Variants in C1orf167 observed in about 807,000 individuals in gnomAD.
C1orf167 encodes chromosome 1 open reading frame 167, also known as uncharacterized protein C1orf167.
C1orf167 carries 153 observed loss-of-function variants against 176.5 expected under a neutral mutation model. The observed-to-expected ratio is 0.87, with a 90% CI of 0.76 to 0.99. The LOEUF (loss-of-function observed/expected upper bound fraction) is 0.99. Among genes scored for constraint, C1orf167 ranks in the 50% least tolerant of loss-of-function variants. The pLI is 0.00. For synonymous variants in C1orf167, 594 were observed against 752.7 expected (o/e 0.79, Z 3.45); for missense variants, 1,490 against 1,817.7 (o/e 0.82, Z 3.28).
At chr1:11,785,362 G>A (rs1448987025) in intron 16 of C1orf167, 73 bp downstream of exon 16, 2 of 1,194,786 alleles carry the variant, frequency 1.7e-6, no homozygotes, top group Non-Finnish European at 2.1e-6. Flanking sequence ...GCTGCTGGAC[G>A]CCCCAGCCCC....
intron 9 of C1orf167, among the ~76,000 whole-genome samples, chr1:11,776,235 C>T (rs887113918): frequency 6.6e-5 from 10 of 152,078 alleles, no homozygotes; most frequent in African/African-American, 2.2e-4. Context: ...CCAGCCTGGG[C>T]GACAAGGGCA....
At chr1:11,770,939 G>A (rs1420548005) in intron 6 of C1orf167, among the ~76,000 whole-genome samples, 1 of 149,166 alleles carries the variant, frequency 6.7e-6, no homozygotes, top group East Asian at 1.9e-4. Flanking sequence ...CGAGTAGCTG[G>A]GACTACAAGT....
At position 11,779,914 on chromosome 1, in the gene C1orf167, C is replaced by T. The variant is rs41275460; in HGVS notation, c.2764C>T (p.Arg922Trp). Residue 922 changes from arginine to tryptophan, a missense_variant, in exon 13 of 21, where the codon CGG (arginine) becomes TGG (tryptophan). Transcript: ENST00000688073. ...CRAVLGLWRQRLLQSRLVEWW... is the reference protein window; with the variant it reads ...CRAVLGLWRQWLLQSRLVEWW... Reference sequence around the variant, plus strand: ...GGCTGTGCTGGGCCTGTGGCGTCAGCGGCTGCTGCAGTCACGGCTGGTGGA... The same window carrying T: ...GGCTGTGCTGGGCCTGTGGCGTCAGTGGCTGCTGCAGTCACGGCTGGTGGA... 0.078 allele frequency: 101,586 copies of T among 1,302,478 alleles called. 4,152 individuals are homozygous for T. Among genetic ancestry groups the T allele is most frequent in the Middle Eastern group, 0.12 (421 of 3,610 alleles). 80.7% of individuals were successfully genotyped at this position (1,302,478 alleles called of 1,614,324 possible). A position where few individuals can be genotyped will look rare whatever the true frequency, so the allele number is the denominator to read the frequency against.
chr1:11,773,129 G>A (rs1643160694), intron 8 of C1orf167, among the ~76,000 whole-genome samples: 1 of 151,392 alleles, frequency 6.6e-6, no homozygotes, highest in Non-Finnish European at 1.5e-5. Flanking sequence ...CTGACCTCAG[G>A]TGATCCACCC....
At chr1:11,785,980 A>G (rs1410348561) in intron 16 of C1orf167, 1 of 149,392 alleles carries the variant, frequency 6.7e-6, no homozygotes, top group Non-Finnish European at 1.5e-5. Flanking sequence ...TGATCCTCCC[A>G]CCTCGACTTC....
At chr1:11,787,815 A>G in intron 17 of C1orf167, 58 bp from the exon 18 acceptor site, 1 of 1,183,812 alleles carries the variant, frequency 8.4e-7, no homozygotes, top group South Asian at 1.6e-5. Flanking sequence ...GCGGGCACTA[A>G]GAGCAGCTGC....
Position 11,766,447 on chromosome 1 carries a change from C to G in C1orf167, c.661C>G (p.Leu221Val), listed in dbSNP as rs955251247. Residue 221 changes from leucine to valine, a missense_variant, in exon 3 of 21, where the codon CTG (leucine) becomes GTG (valine). Physicochemically the swap from Leu to Val is conservative, Grantham distance 32. Coordinates refer to ENST00000688073, the MANE Select transcript of C1orf167 (RefSeq NM_001010881.2). This position sits in a 1 kb window ranked among gnomAD's most constrained non-coding sequence, Gnocchi z 4.5. ...LVGEPLTLED[L>V]AVPSQNQTQA... The stretch of plus-strand genomic sequence containing the variant: ...GGGGGAACCTCTCACCCTGGAGGAC[C>G]TGGCTGTCCCCAGTCAGAACCAGAC... The G allele has an allele frequency of 6.2e-6, 8 of 1,286,348 alleles. No individual in the cohort carries two copies. The highest frequency in any genetic ancestry group is 6.1e-6 in the Non-Finnish European group (6 of 987,154). 79.7% of individuals were successfully genotyped at this position (1,286,348 alleles called of 1,614,324 possible). A position where few individuals can be genotyped will look rare whatever the true frequency, so the allele number is the denominator to read the frequency against.
Position 11,785,780 on chromosome 1 carries a change from G to A in C1orf167, c.3567+491G>A, listed in dbSNP as rs539181268. On this transcript the variant is annotated intron_variant, in intron 16 of 20. Coordinates refer to ENST00000688073, the MANE Select transcript of C1orf167 (RefSeq NM_001010881.2). Reference sequence around the variant, plus strand: ...GACAGAGTCTGGCTCAATTGCCCAGGCTGAAGCAGAGGAGTGATCTCAGCT... The same window carrying A: ...GACAGAGTCTGGCTCAATTGCCCAGACTGAAGCAGAGGAGTGATCTCAGCT... 162 of 152,950 alleles carry A rather than the reference G, an allele frequency of 1.1e-3. 1 individual carries two copies. The highest frequency in any genetic ancestry group is 1.8e-3 in the Non-Finnish European group (123 of 68,414). The allele number at this position is 152,950 out of a possible 1,614,324, so 9.5% of individuals were successfully genotyped here. A position where few individuals can be genotyped will look rare whatever the true frequency, so the allele number is the denominator to read the frequency against.
Position 11,766,473 on chromosome 1 carries a change from T to C in C1orf167, c.687T>C (p.Thr229=), listed in dbSNP as rs986999902. The C allele has an allele frequency of 1.4e-5, 18 of 1,286,742 alleles. No homozygotes were observed. Among genetic ancestry groups the C allele is most frequent in the Non-Finnish European group, 1.8e-5 (18 of 987,246 alleles). 79.7% of individuals were successfully genotyped at this position (1,286,742 alleles called of 1,614,324 possible). A position where few individuals can be genotyped will look rare whatever the true frequency, so the allele number is the denominator to read the frequency against. ...TGGCTGTCCCCAGTCAGAACCAGAC[T>C]CAGGCCCCATCCCGTGCTGCCGTCC... ...EDLAVPSQNQ[T]QAPSRAAVHQ... is the part of the protein sequence containing the mutation. Residue 229 remains threonine, a synonymous_variant, in exon 3 of 21, where the codon ACT becomes ACC. Transcript: ENST00000688073. The surrounding 1 kb of genome is among the most constrained non-coding windows in gnomAD (Gnocchi z 4.5).
At position 11,778,940 on chromosome 1, in the gene C1orf167, C is replaced by A; in HGVS notation, c.2511C>A (p.Pro837=). ...QDSLEKVPRA[P]TLPDTLQGSL... is the part of the protein sequence containing the mutation. Reference sequence around the variant, plus strand: ...TCCTTCCCCAGGTTCCCAGGGCCCCCACCCTCCCGGACACTCTCCAGGGGA... The same window carrying A: ...TCCTTCCCCAGGTTCCCAGGGCCCCAACCCTCCCGGACACTCTCCAGGGGA... Residue 837 remains proline, a synonymous_variant, in exon 12 of 21, where the codon CCC becomes CCA. Transcript: ENST00000688073. The A allele has an allele frequency of 7.7e-7, 1 of 1,303,506 alleles. No homozygotes were observed. The highest frequency in any genetic ancestry group is 1.0e-6 in the Non-Finnish European group (1 of 988,444). 80.7% of individuals were successfully genotyped at this position (1,303,506 alleles called of 1,614,324 possible).
In C1orf167 at chr1:11,767,032, G is replaced by T. The variant is rs1281381132; in HGVS notation, c.1246G>T (p.Glu416Ter). The change falls in exon 3 of 21, where the codon GAG becomes TAG. Residue 416 changes from glutamate (E) to a stop codon, truncating the protein, a stop_gained. Transcript: ENST00000688073. LOFTEE classifies it high-confidence loss of function. ...GAGGGAGCGGGTCCACAGGGAGGAG[G>T]AGAGGACAGCTTTCCATCTGTCAGA... is the stretch of plus-strand genomic sequence containing the variant. ...APRERVHREE[E>*]RTAFHLSDTV... 11 of 1,221,544 alleles carry T rather than the reference G, an allele frequency of 9.0e-6. No individual in the cohort carries two copies. The highest frequency in any genetic ancestry group is 1.0e-5 in the Non-Finnish European group (10 of 954,360). The allele number at this position is 1,221,544 out of a possible 1,614,324, so 75.7% of individuals were successfully genotyped here. A position where few individuals can be genotyped will look rare whatever the true frequency, so the allele number is the denominator to read the frequency against.
rs371849973 is a variant in C1orf167, at chr1:11,770,366, G to A, written c.1698-1158G>A. Among the ~76,000 whole-genome samples the A allele has an allele frequency of 3.0e-4, 46 of 151,962 alleles. No homozygotes were observed. In the East Asian group the frequency reaches 8.1e-3, roughly 27 times the overall value. On this transcript the variant is annotated intron_variant, in intron 6 of 20. Transcript: ENST00000688073. ...ATGTGTATTTTACCACAATTAAGGA[G>A]TAAAAGATATTTCATTTAAAAATGC...
intron 12 of C1orf167, chr1:11,779,402 T>G: frequency 4.6e-6 from 1 of 219,512 alleles, no homozygotes. Context: ...TTGGGCAAGT[T>G]GCATAACTTC....
intron 2 of C1orf167, among the ~76,000 whole-genome samples, chr1:11,765,159 T>C (rs531478826): frequency 1.2e-3 from 179 of 152,070 alleles, no homozygotes; most frequent in Non-Finnish European, 2.1e-3. Context: ...CCCAGTTTCT[T>C]CGTGTTCCAG....
In C1orf167 at chr1:11,772,041, GCTTA is replaced by G. The variant is rs1557728161; in HGVS notation, c.1811-38_1811-35del. On this transcript the variant is annotated intron_variant, in intron 7 of 20. Transcript: ENST00000688073. Reference sequence around the variant, plus strand: ...CCTCCTGGCTCAGATCCTCCCATCTGCTTACTCTCTCTTTTCTCTCCCTCCTCCC... The same window carrying G: ...CCTCCTGGCTCAGATCCTCCCATCTGCTCTCTCTTTTCTCTCCCTCCTCCC... 5 of 1,269,050 alleles carry G rather than the reference GCTTA, an allele frequency of 3.9e-6. No individual in the cohort carries two copies. In the South Asian group the frequency reaches 6.6e-5, roughly 17 times the overall value. The allele number at this position is 1,269,050 out of a possible 1,614,324, so 78.6% of individuals were successfully genotyped here. A position where few individuals can be genotyped will look rare whatever the true frequency, so the allele number is the denominator to read the frequency against.
intron 14 of C1orf167, among the ~76,000 whole-genome samples, chr1:11,783,636 G>A (rs769800629): frequency 2.0e-5 from 3 of 152,148 alleles, no homozygotes; most frequent in Non-Finnish European, 4.4e-5. Flanking sequence ...GGGAGGCAGG[G>A]CATGGCTGAT....
rs746048298 is a variant in C1orf167, at chr1:11,789,399, C to T, written c.4303C>T (p.Arg1435Trp). The change falls in exon 21 of 21, where the codon CGG becomes TGG. Residue 1435 changes from arginine to tryptophan, a missense_variant. Physicochemically the swap from Arg to Trp is moderately radical, Grantham distance 101. Transcript: ENST00000688073. ...ESGQEAARAP[R>W]GWGLGAEHGA... ...TGGACAGGAAGCCGCCAGAGCACCG[C>T]GGGGTTGGGGGCTTGGGGCAGAGCA... is the stretch of plus-strand genomic sequence containing the variant. 22 of 1,303,180 alleles carry T rather than the reference C, an allele frequency of 1.7e-5. No homozygotes were observed. Among genetic ancestry groups the T allele is most frequent in the East Asian group, 5.6e-5 (1 of 17,986 alleles). 80.7% of individuals were successfully genotyped at this position (1,303,180 alleles called of 1,614,324 possible). A position where few individuals can be genotyped will look rare whatever the true frequency, so the allele number is the denominator to read the frequency against.
Position 11,788,263 on chromosome 1 carries a change from G to A in C1orf167, c.3963G>A (p.Pro1321=), listed in dbSNP as rs1011793802. The stretch of plus-strand genomic sequence containing the variant: ...ATCAGGAGGAAGTACCTGCAGCGCC[G>A]GTGCCTCGAGGCACTGCTTCACGGG... ...LGHQEEVPAA[P]VPRGTASRAA... Residue 1321 remains proline, a synonymous_variant, in exon 19 of 21, where the codon CCG becomes CCA. Transcript: ENST00000688073. 4.8e-5 allele frequency: 62 copies of A among 1,303,724 alleles called. No homozygotes were observed. Among genetic ancestry groups the A allele is most frequent in the Non-Finnish European group, 5.2e-5 (51 of 988,640 alleles). 80.8% of individuals were successfully genotyped at this position (1,303,724 alleles called of 1,614,324 possible).
rs1269931811 is a variant in C1orf167 at position 11,788,402 on chromosome 1, C to T, written c.4078+24C>T. 1.7e-5 allele frequency: 22 copies of T among 1,276,204 alleles called. 1 individual carries two copies. The Admixed American group carries it at 2.6e-4, about 15-fold the overall frequency. The allele number at this position is 1,276,204 out of a possible 1,614,324, so 79.1% of individuals were successfully genotyped here. ...TGGTGAGTGGGTGCACCCCTCTCCA[C>T]ACTGACCATCTCCCATTTCACCTCA... is the stretch of plus-strand genomic sequence containing the variant. On this transcript the variant is annotated intron_variant, in intron 19 of 20. Coordinates refer to ENST00000688073, the MANE Select transcript of C1orf167 (RefSeq NM_001010881.2).
Sources: gnomAD v4.1 joint callset for allele counts (sites outside exome capture counted in the v4.1 genomes callset) on GRCh38, gnomAD v4.1.1 for gene constraint, Gnocchi (gnomAD v3.1) non-coding constraint, MANE v1.5 for transcripts, NCBI Gene and HGNC (gene_info 2026-07-23, HGNC 2026-07-21) for gene names.